NIBAN1: variants seen among roughly 807,000 people sequenced by gnomAD.
The protein encoded by NIBAN1 is niban apoptosis regulator 1.
A neutral mutation model predicts 75.1 loss-of-function variants in NIBAN1; 81 were observed. That is an observed-to-expected ratio of 1.08 (90% CI 0.90 to 1.30). NIBAN1 has a LOEUF of 1.30. Among genes scored for constraint, NIBAN1 ranks in the 50% most tolerant of loss-of-function variants. The pLI is 0.00. For missense variants in NIBAN1, 1,133 were observed against 1,128.1 expected (o/e 1.00, Z -0.06); for synonymous variants, 436 against 424.8 (o/e 1.03, Z -0.32).
rs1419704624 is a variant in NIBAN1, at chr1:184,791,140, A to T, written c.*3837T>A. ...ATATAGTGACCGGGAAAGTCAATCC[A>T]CAGTGTCGATTTTTTTTCTTGAAGT... On this transcript the variant is annotated 3_prime_UTR_variant, in exon 14 of 14. Coordinates refer to ENST00000367511, the MANE Select transcript of NIBAN1 (RefSeq NM_052966.4). 3 of 435,846 alleles carry T rather than the reference A, an allele frequency of 6.9e-6. No individual in the cohort carries two copies. Among genetic ancestry groups the T allele is most frequent in the East Asian group, 1.4e-4 (2 of 13,802 alleles). 27.0% of individuals were successfully genotyped at this position (435,846 alleles called of 1,614,324 possible).
At chr1:184,833,028 G>A (rs1655040046) in intron 5 of NIBAN1, among the ~76,000 whole-genome samples, 1 of 151,932 alleles carries the variant, frequency 6.6e-6, no homozygotes, top group Admixed American at 6.6e-5. Flanking sequence ...AAAAGGCCAA[G>A]TTCCCTGACT....
At chr1:184,966,374 G>C (rs1313063990) in intron 1 of NIBAN1, among the ~76,000 whole-genome samples, 1 of 152,194 alleles carries the variant, frequency 6.6e-6, no homozygotes, top group Non-Finnish European at 1.5e-5. Context: ...AGGCCACCTG[G>C]AGAGAAAGAA....
At chr1:184,870,624 T>A (rs1656082083) in intron 5 of NIBAN1, among the ~76,000 whole-genome samples, 1 of 152,174 alleles carries the variant, frequency 6.6e-6, no homozygotes, top group Non-Finnish European at 1.5e-5. Context: ...ACCTCAAGGA[T>A]AATGCGACAG....
rs144551220 is a variant in NIBAN1 at position 184,953,426 on chromosome 1, C to T, written c.55+20876G>A. Among the ~76,000 whole-genome samples, 996 of 152,320 alleles carry T rather than the reference C, an allele frequency of 6.5e-3. 7 individuals are homozygous for T. The highest frequency in any genetic ancestry group is 0.019 in the South Asian group (94 of 4,822). ...TTTGTCCACTCTTCTAAAAATGAGA[C>T]ATATTATAAATATCATTTTGAAAGC... On this transcript the variant is annotated intron_variant, in intron 1 of 13. Coordinates refer to ENST00000367511, the MANE Select transcript of NIBAN1 (RefSeq NM_052966.4).
intron 5 of NIBAN1, among the ~76,000 whole-genome samples, chr1:184,878,472 A>T (rs1307715023): frequency 6.6e-6 from 1 of 152,274 alleles, no homozygotes; most frequent in East Asian, 1.9e-4. Flanking sequence ...ACACTAAACC[A>T]GTAGAGAAGC....
At chr1:184,861,698 AAAG>A (rs1475363067) in intron 5 of NIBAN1, among the ~76,000 whole-genome samples, 1 of 144,104 alleles carries the variant, frequency 6.9e-6, no homozygotes, top group East Asian at 2.2e-4. Context: ...TGAGGGAAGG[AAAG>A]AAGGAAGGAA....
At chr1:184,836,177 TG>T (rs1444021926) in intron 5 of NIBAN1, among the ~76,000 whole-genome samples, 5 of 152,340 alleles carry the variant, frequency 3.3e-5, no homozygotes, top group African/African-American at 1.2e-4. Context: ...GATTGTGATA[TG>T]GGGCTTAGTA....
intron 6 of NIBAN1, 128 bp from the exon 7 acceptor site, chr1:184,823,870 G>A: frequency 1.5e-6 from 1 of 672,084 alleles, no homozygotes; most frequent in South Asian, 1.8e-5. Context: ...TAGGTTAATA[G>A]TTTAACCTAC....
intron 2 of NIBAN1, among the ~76,000 whole-genome samples, chr1:184,898,275 C>T (rs1571556783): frequency 6.6e-6 from 1 of 152,274 alleles, no homozygotes. Flanking sequence ...CCAGTTTCTG[C>T]TTAAATGTTA....
At chr1:184,871,060 G>A (rs774041660) in intron 5 of NIBAN1, among the ~76,000 whole-genome samples, 1 of 152,044 alleles carries the variant, frequency 6.6e-6, no homozygotes, top group Non-Finnish European at 1.5e-5. Context: ...AGAGGAAAAT[G>A]TGCTAGCTGG....
At chr1:184,918,945 T>C (rs1353778871) in intron 1 of NIBAN1, among the ~76,000 whole-genome samples, 1 of 152,204 alleles carries the variant, frequency 6.6e-6, no homozygotes, top group Non-Finnish European at 1.5e-5. Flanking sequence ...GGAATGCACA[T>C]GGAAAATTAA....
At chr1:184,860,044 G>A (rs1655775997) in intron 5 of NIBAN1, among the ~76,000 whole-genome samples, 1 of 152,156 alleles carries the variant, frequency 6.6e-6, no homozygotes, top group African/African-American at 2.4e-5. Flanking sequence ...TGCAAGGACC[G>A]TAGACCACAA....
intron 1 of NIBAN1, among the ~76,000 whole-genome samples, chr1:184,929,032 G>A (rs922968445): frequency 2.0e-5 from 3 of 152,088 alleles, no homozygotes; most frequent in African/African-American, 7.2e-5. Flanking sequence ...GTAATGAGAA[G>A]TATAATAAAC....
At chr1:184,940,731 T>C (rs990452910) in intron 1 of NIBAN1, among the ~76,000 whole-genome samples, 1 of 152,214 alleles carries the variant, frequency 6.6e-6, no homozygotes. Context: ...TTTTAACTTT[T>C]TTCATTAGTT....
chr1:184,860,785 C>G (rs747850806), intron 5 of NIBAN1, among the ~76,000 whole-genome samples: 12 of 152,192 alleles, frequency 7.9e-5, no homozygotes, highest in Non-Finnish European at 1.0e-4. Context: ...AAATACTAAG[C>G]TTACAAACAC....
At chr1:184,924,928 T>C (rs534866042) in intron 1 of NIBAN1, among the ~76,000 whole-genome samples, 10 of 152,260 alleles carry the variant, frequency 6.6e-5, no homozygotes, top group East Asian at 3.9e-4. Context: ...TTTCTTAGTC[T>C]GACTAAAGTT....
intron 11 of NIBAN1, among the ~76,000 whole-genome samples, chr1:184,805,141 T>C (rs1042373612): frequency 2.0e-5 from 3 of 152,190 alleles, no homozygotes; most frequent in African/African-American, 7.2e-5. Flanking sequence ...CTCTTGCCTG[T>C]GAGGCATCAA....
intron 1 of NIBAN1, among the ~76,000 whole-genome samples, chr1:184,971,625 G>A (rs142346309): frequency 3.9e-5 from 6 of 152,112 alleles, no homozygotes; most frequent in Admixed American, 2.0e-4. Flanking sequence ...ATCCGAGATC[G>A]TGCCACTACA....
At chr1:184,835,279 C>T (rs368994165) in intron 5 of NIBAN1, among the ~76,000 whole-genome samples, 20 of 152,176 alleles carry the variant, frequency 1.3e-4, no homozygotes, top group Non-Finnish European at 1.6e-4. Context: ...GGTAGCGTGA[C>T]GCCTCCAGCT....
Sources: allele counts gnomAD v4.1 joint callset (sites outside exome capture counted in the v4.1 genomes callset), GRCh38; gene constraint gnomAD v4.1.1; transcripts MANE v1.5; gene names NCBI Gene and HGNC (gene_info 2026-07-23, HGNC 2026-07-21).